The following MTOR variants were observed in gnomAD, a reference collection of about 807,000 sequenced individuals.
MTOR encodes the protein serine/threonine-protein kinase mTOR.
A neutral mutation model predicts 319.8 loss-of-function variants in MTOR; 70 were observed. That is an observed-to-expected ratio of 0.22 (90% CI 0.18 to 0.27). MTOR has a LOEUF of 0.27. Ranked by LOEUF, MTOR falls within the 10% of genes least tolerant of loss-of-function variation. MTOR has a pLI of 1.00. For missense variants in MTOR, 1,890 were observed against 3,274.4 expected, an observed-to-expected ratio of 0.58 and a Z score of 10.32; for synonymous variants, 1,183 against 1,211.4, an observed-to-expected ratio of 0.98 and a Z score of 0.49.
intron 29 of MTOR, among the ~76,000 whole-genome samples, chr1:11,162,662 G>A (rs1394524215): frequency 6.6e-6 from 1 of 152,190 alleles, no homozygotes; most frequent in Non-Finnish European, 1.5e-5. Context: ...TTTCAACCCA[G>A]AATTTCATAT....
At chr1:11,257,783 C>A (rs1231052972) in intron 3 of MTOR, among the ~76,000 whole-genome samples, 1 of 152,100 alleles carries the variant, frequency 6.6e-6, no homozygotes, top group Non-Finnish European at 1.5e-5. Flanking sequence ...GATAATAATT[C>A]ACAGGACTGA....
intron 29 of MTOR, among the ~76,000 whole-genome samples, chr1:11,160,075 C>CATTTATTTATTTATTTATTT (rs70977549): frequency 3.5e-4 from 50 of 143,420 alleles, no homozygotes; most frequent in Non-Finnish European, 4.1e-4. Context: ...TCAATTATAG[C>CATTTATTTATTTATTTATTT]ATTTATTTAT....
intron 34 of MTOR, 86 bp downstream of exon 34, chr1:11,144,562 A>G: frequency 8.9e-7 from 1 of 1,124,804 alleles, no homozygotes. Flanking sequence ...CAAGTTGAGT[A>G]AGAGCCAGGG....
chr1:11,119,882 C>T (rs1396594824), intron 49 of MTOR, among the ~76,000 whole-genome samples: 1 of 151,526 alleles, frequency 6.6e-6, no homozygotes, highest in Admixed American at 6.6e-5. Flanking sequence ...AGTCATATCT[C>T]TAAGTTAGGG....
chr1:11,195,029 G>A, intron 28 of MTOR: 1 of 1,612,948 alleles, frequency 6.2e-7, no homozygotes, highest in Non-Finnish European at 8.5e-7. Flanking sequence ...CTTAAAAGGA[G>A]GCTGCCGTGG....
intron 28 of MTOR, among the ~76,000 whole-genome samples, chr1:11,168,267 C>T (rs111613761): frequency 0.03 from 4,476 of 150,704 alleles, 170 homozygotes; most frequent in Admixed American, 0.071. Flanking sequence ...TGGTCTCGGA[C>T]TCCTGGGCTC....
chr1:11,258,705 C>CG (rs1206976092), intron 2 of MTOR, 112 bp from the exon 3 acceptor site: 11 of 730,698 alleles, frequency 1.5e-5, no homozygotes, highest in Non-Finnish European at 2.0e-5. Context: ...ATAGTTCAAA[C>CG]CAAAGAAGAC....
intron 1 of MTOR, among the ~76,000 whole-genome samples, chr1:11,261,069 G>A (rs1373405574): frequency 6.6e-6 from 1 of 151,852 alleles, no homozygotes; most frequent in African/African-American, 2.4e-5. Context: ...TGGGATTACA[G>A]GTGTGAGCCA....
chr1:11,119,573 GAAAAAAAAA>G (rs555425607), intron 49 of MTOR, among the ~76,000 whole-genome samples: 4 of 24,878 alleles, frequency 1.6e-4, no homozygotes, highest in South Asian at 1.2e-3. Flanking sequence ...TCCGTCTCGA[GAAAAAAAAA>G]AAAAAAAAAA....
At chr1:11,114,221 C>T (rs2100312750) in intron 53 of MTOR, 97 bp downstream of exon 53, 3 of 1,504,168 alleles carry the variant, frequency 2.0e-6, no homozygotes, top group Non-Finnish European at 2.7e-6. Context: ...TCTCGAACTC[C>T]TGGCCTCAAG....
At chr1:11,228,144 A>G (rs1018252679) in intron 19 of MTOR, among the ~76,000 whole-genome samples, 20 of 151,838 alleles carry the variant, frequency 1.3e-4, no homozygotes, top group Non-Finnish European at 2.9e-5. Context: ...TGAACTCTAG[A>G]TTACTGAGAA....
chr1:11,190,495 T>G (rs1645484659), intron 28 of MTOR, among the ~76,000 whole-genome samples: 1 of 152,046 alleles, frequency 6.6e-6, no homozygotes, highest in Non-Finnish European at 1.5e-5. Context: ...ATGTGAAGAG[T>G]CCCTTTGTGT....
chr1:11,247,702 C>T lies in MTOR; in HGVS notation c.1148G>A (p.Ser383Asn), dbSNP rs748311365. The change falls in exon 8 of 58, where the codon AGC becomes AAC. Residue 383 changes from serine (S) to asparagine (N), a missense_variant. This residue lies in a region of MTOR where 418 missense variants were observed against 543.1 expected (regional missense o/e 0.77). Coordinates refer to ENST00000361445, the MANE Select transcript of MTOR (RefSeq NM_004958.4). ...TGTCATTTGGATCAGCGAGTTCTTGCTATTCCTGCATTTCAGCACCCACTG... is the reference window on the plus strand; with the variant it reads ...TGTCATTTGGATCAGCGAGTTCTTGTTATTCCTGCATTTCAGCACCCACTG... ...VCQWVLKCRN[S>N]KNSLIQMTIL... is the part of the protein sequence containing the mutation. The T allele has an allele frequency of 1.5e-5, 24 of 1,614,030 alleles. No individual in the cohort carries two copies. The highest frequency in any genetic ancestry group is 1.7e-5 in the Non-Finnish European group (20 of 1,180,038).
chr1:11,187,136 G>A (rs1645345408), intron 28 of MTOR, among the ~76,000 whole-genome samples: 4 of 152,102 alleles, frequency 2.6e-5, no homozygotes, highest in Admixed American at 1.3e-4. Flanking sequence ...TGAGCTACTG[G>A]GAAGAATAAA....
chr1:11,158,149 C>T (rs1290266430), intron 29 of MTOR, among the ~76,000 whole-genome samples: 6 of 152,190 alleles, frequency 3.9e-5, no homozygotes. Flanking sequence ...AGTTTCTCTC[C>T]TGGGCTACTT....
intron 28 of MTOR, among the ~76,000 whole-genome samples, chr1:11,168,581 A>T (rs1368135603): frequency 6.6e-6 from 1 of 151,616 alleles, no homozygotes; most frequent in African/African-American, 2.4e-5. Context: ...GTTCCCTTCC[A>T]CCCTTTGCAG....
intron 32 of MTOR, 163 bp from the exon 33 acceptor site, chr1:11,145,208 AGAG>A: frequency 1.6e-6 from 1 of 631,042 alleles, no homozygotes; most frequent in African/African-American, 1.8e-5. Flanking sequence ...GAATGGCTTG[AGAG>A]GAGGTATTAT....
At chr1:11,185,480 C>T (rs377302755) in intron 28 of MTOR, among the ~76,000 whole-genome samples, 44 of 151,716 alleles carry the variant, frequency 2.9e-4, no homozygotes, top group African/African-American at 1.0e-3. Context: ...GTGGTGCATA[C>T]CTGCAGTCCT....
chr1:11,125,163 T>C (rs1642760318), intron 46 of MTOR, among the ~76,000 whole-genome samples: 1 of 152,206 alleles, frequency 6.6e-6, no homozygotes, highest in Non-Finnish European at 1.5e-5. Context: ...CCTTGCTCTT[T>C]CAGTTCTGGA....
Sources: gnomAD v4.1 joint callset for allele counts (sites outside exome capture counted in the v4.1 genomes callset) on GRCh38, gnomAD v4.1.1 for gene constraint, gnomAD v4.1.1 regional missense constraint, MANE v1.5 for transcripts, NCBI Gene and HGNC (gene_info 2026-07-23, HGNC 2026-07-21) for gene names.